Variants in KICS2 observed in about 807,000 individuals in gnomAD.
KICS2 encodes KICSTOR subunit 2.
A neutral mutation model predicts 31.4 loss-of-function variants in KICS2; 13 were observed. The observed-to-expected ratio is 0.41, with a 90% confidence interval of 0.27 to 0.66. The LOEUF is 0.66. Among genes scored for constraint, KICS2 ranks in the 30% least tolerant of loss-of-function variants. The pLI is 0.28. For synonymous variants in KICS2, 209 were observed against 214.8 expected (o/e 0.97, Z 0.24); for missense variants, 455 against 545.4 (o/e 0.83, Z 1.65).
chr12:64,210,618 A>G (rs981547836), intron 2 of KICS2, among the ~76,000 whole-genome samples: 3 of 152,152 alleles, frequency 2.0e-5, no homozygotes, highest in Admixed American at 2.0e-4. Flanking sequence ...TCTGCAAAAA[A>G]ATAAAATAAT....
chr12:64,205,123 A>G (rs1370434850), intron 2 of KICS2, among the ~76,000 whole-genome samples: 1 of 152,190 alleles, frequency 6.6e-6, no homozygotes, highest in African/African-American at 2.4e-5. Flanking sequence ...ATGACATGAA[A>G]TTAGAGAAAA....
intron 1 of KICS2, among the ~76,000 whole-genome samples, chr12:64,220,901 A>G (rs1286696047): frequency 6.6e-6 from 1 of 152,164 alleles, no homozygotes; most frequent in African/African-American, 2.4e-5. Context: ...TGCCATTGTA[A>G]AAAGGGGAGG....
At chr12:64,211,258 T>C (rs2037579860) in intron 2 of KICS2, among the ~76,000 whole-genome samples, 3 of 152,182 alleles carry the variant, frequency 2.0e-5, no homozygotes, top group Admixed American at 2.0e-4. Context: ...ATAAAATTTT[T>C]AAATGTTTAA....
Position 64,215,714 on chromosome 12 carries a change from C to G in KICS2, c.485G>C (p.Gly162Ala), listed in dbSNP as rs2037621509. The G allele has an allele frequency of 5.6e-6, 9 of 1,613,752 alleles. No individual in the cohort carries two copies. The East Asian group carries it at 2.0e-4, about 36-fold the overall frequency. ...TTTTTTCATGATGGCATCCAAAAGGCCAACGAGCTCTTCAGCATTGATGAA... is the reference window on the plus strand; with the variant it reads ...TTTTTTCATGATGGCATCCAAAAGGGCAACGAGCTCTTCAGCATTGATGAA... Reference protein sequence around the residue: ...QKFINAEELVGLLDAIMKKYS... With the variant: ...QKFINAEELVALLDAIMKKYS... The change falls in exon 2 of 3, where the codon GGC becomes GCC. Residue 162 changes from glycine to alanine, a missense_variant. Gly to Ala is a moderately conservative substitution (Grantham distance 60). Coordinates refer to ENST00000398055, the MANE Select transcript of KICS2 (RefSeq NM_152440.5).
At chr12:64,197,623 A>G (rs1464106873) in intron 2 of KICS2, among the ~76,000 whole-genome samples, 61 of 150,864 alleles carry the variant, frequency 4.0e-4, no homozygotes, top group Non-Finnish European at 7.1e-4. Flanking sequence ...ATGTAAATGG[A>G]CTAAATGCTC....
At chr12:64,190,908 A>G (rs1169052868), downstream of KICS2, among the ~76,000 whole-genome samples, 1 of 152,206 alleles carries the variant, frequency 6.6e-6, no homozygotes, top group African/African-American at 2.4e-5. Flanking sequence ...GAGATCAGGT[A>G]GGACCCAGAG....
At chr12:64,212,978 C>T (rs529364088) in intron 2 of KICS2, among the ~76,000 whole-genome samples, 1 of 151,288 alleles carries the variant, frequency 6.6e-6, no homozygotes, top group East Asian at 2.0e-4. Flanking sequence ...GTGGTCACAG[C>T]TGCTTGGTGG....
chr12:64,212,295 A>T (rs1434634300), intron 2 of KICS2, among the ~76,000 whole-genome samples: 3 of 152,200 alleles, frequency 2.0e-5, no homozygotes, highest in Non-Finnish European at 4.4e-5. Context: ...TCCTGTGCCC[A>T]TTAGCAATCA....
chr12:64,193,184 C>T lies in KICS2; in HGVS notation c.*658G>A. ...CAAAACAAATGCAGTTAGGTGTGTA[C>T]ATTACCCCAAAAGAACCCATGGCTA... is the stretch of plus-strand genomic sequence containing the variant. On this transcript the variant is annotated 3_prime_UTR_variant, in exon 3 of 3. Coordinates refer to ENST00000398055, the MANE Select transcript of KICS2 (RefSeq NM_152440.5). 1.0e-6 allele frequency: 1 copy of T among 985,472 alleles called. No individual in the cohort carries two copies. Among genetic ancestry groups the T allele is most frequent in the African/African-American group, 1.7e-5 (1 of 57,334 alleles). 61.0% of individuals were successfully genotyped at this position (985,472 alleles called of 1,614,324 possible). A position where few individuals can be genotyped will look rare whatever the true frequency, so the allele number is the denominator to read the frequency against.
At chr12:64,221,007 G>A (rs1024494201) in intron 1 of KICS2, among the ~76,000 whole-genome samples, 1 of 150,464 alleles carries the variant, frequency 6.6e-6, no homozygotes, top group Non-Finnish European at 1.5e-5. Flanking sequence ...CAGCAATTAC[G>A]AACTCAGGAA....
Position 64,193,710 on chromosome 12 carries a change from G to A in KICS2, c.*132C>T, listed in dbSNP as rs184957969. 1 of 1,443,664 alleles carries A rather than the reference G, an allele frequency of 6.9e-7. No homozygotes were observed. Among genetic ancestry groups the A allele is most frequent in the African/African-American group, 1.4e-5 (1 of 69,900 alleles). The allele number at this position is 1,443,664 out of a possible 1,614,324, so 89.4% of individuals were successfully genotyped here. A position where few individuals can be genotyped will look rare whatever the true frequency, so the allele number is the denominator to read the frequency against. ...AATTGCTTATAAAGTGTGCAACACA[G>A]GGAGGATTTGTCTTTAATTTAGTTC... On this transcript the variant is annotated 3_prime_UTR_variant, in exon 3 of 3. Transcript: ENST00000398055.
downstream of KICS2, chr12:64,187,381 C>T (rs1592375559): frequency 1.9e-6 from 1 of 515,240 alleles, no homozygotes; most frequent in East Asian, 3.2e-5. Flanking sequence ...AACCCATTTG[C>T]ATCTCTCCAT....
At position 64,215,912 on chromosome 12, in the gene KICS2, G is replaced by A. The variant is rs770883779; in HGVS notation, c.287C>T (p.Ser96Leu). ...RKDSIRTIYTSLHNELKKVVT... is the reference protein window; with the variant it reads ...RKDSIRTIYTLLHNELKKVVT... ...CACCTTCTTCAGCTCATTATGCAATGAAGTATAGATGGTGCGGATGGAATC... is the reference window on the plus strand; with the variant it reads ...CACCTTCTTCAGCTCATTATGCAATAAAGTATAGATGGTGCGGATGGAATC... The change falls in exon 2 of 3, where the codon TCA becomes TTA. Residue 96 changes from serine to leucine, a missense_variant. Physicochemically the swap from Ser to Leu is moderately radical, Grantham distance 145. Coordinates refer to ENST00000398055, the MANE Select transcript of KICS2 (RefSeq NM_152440.5). The A allele has an allele frequency of 6.2e-7, 1 of 1,614,044 alleles. No homozygotes were observed. Among genetic ancestry groups the A allele is most frequent in the Non-Finnish European group, 8.5e-7 (1 of 1,179,996 alleles).
Position 64,193,644 on chromosome 12 carries a change from C to A in KICS2, c.*198G>T. ...GGAGACACATGGTAGCCCATGACCACTTCCTAGATTACTCTTTGGAAACTT... is the reference window on the plus strand; with the variant it reads ...GGAGACACATGGTAGCCCATGACCAATTCCTAGATTACTCTTTGGAAACTT... On this transcript the variant is annotated 3_prime_UTR_variant, in exon 3 of 3. Coordinates refer to ENST00000398055, the MANE Select transcript of KICS2 (RefSeq NM_152440.5). 1 of 1,407,182 alleles carries A rather than the reference C, an allele frequency of 7.1e-7. No homozygotes were observed. Among genetic ancestry groups the A allele is most frequent in the South Asian group, 1.7e-5 (1 of 59,754 alleles). The allele number at this position is 1,407,182 out of a possible 1,614,324, so 87.2% of individuals were successfully genotyped here. A position where few individuals can be genotyped will look rare whatever the true frequency, so the allele number is the denominator to read the frequency against.
downstream of KICS2, chr12:64,187,657 T>C: frequency 6.5e-7 from 1 of 1,535,314 alleles, no homozygotes; most frequent in Non-Finnish European, 8.7e-7. Flanking sequence ...AGGAACCTGG[T>C]AGAAAAGTAG....
intron 1 of KICS2, among the ~76,000 whole-genome samples, chr12:64,216,178 T>TTTATGATAATCATAAATACC (rs2037628188): frequency 6.6e-6 from 1 of 152,020 alleles, no homozygotes; most frequent in Non-Finnish European, 1.5e-5. Context: ...TCATAAATAC[T>TTTATGATAATCATAAATACC]TTGATTCATA....
chr12:64,208,472 G>C (rs2037558375), intron 2 of KICS2, among the ~76,000 whole-genome samples: 1 of 152,218 alleles, frequency 6.6e-6, no homozygotes, highest in Non-Finnish European at 1.5e-5. Flanking sequence ...AGGAGAGAGT[G>C]CATTCCACAG....
At position 64,215,876 on chromosome 12, in the gene KICS2, C is replaced by A. The variant is rs747813412; in HGVS notation, c.323G>T (p.Arg108Leu). 2.5e-6 allele frequency: 4 copies of A among 1,613,750 alleles called. No homozygotes were observed. The highest frequency in any genetic ancestry group is 1.1e-5 in the South Asian group (1 of 90,954). ...AGGAGCAGTCCCACCCAGGGCACCA[C>A]GGCCAGTCACCACCTTCTTCAGCTC... ...HNELKKVVTG[R>L]GALGGTAPHV... Residue 108 changes from arginine (R) to leucine (L), a missense_variant, in exon 2 of 3, where the codon CGT becomes CTT. By Grantham distance (102) the Arg-to-Leu change is moderately radical (BLOSUM62 -2). Coordinates refer to ENST00000398055, the MANE Select transcript of KICS2 (RefSeq NM_152440.5).
intron 2 of KICS2, among the ~76,000 whole-genome samples, chr12:64,195,958 G>A (rs1433792954): frequency 9.9e-5 from 15 of 152,264 alleles, no homozygotes; most frequent in African/African-American, 2.2e-4. Context: ...CTATGCCCAC[G>A]GAATCTCGCT....
Sources: allele counts gnomAD v4.1 joint callset (sites outside exome capture counted in the v4.1 genomes callset), GRCh38; gene constraint gnomAD v4.1.1; transcripts MANE v1.5; gene names NCBI Gene and HGNC (gene_info 2026-07-23, HGNC 2026-07-21).